Variants in PCDHA10 observed in about 807,000 individuals in gnomAD.
PCDHA10 encodes protocadherin alpha-10.
A neutral mutation model predicts 61.2 loss-of-function variants in PCDHA10; 45 were observed. That is an observed-to-expected ratio of 0.74 (90% confidence interval 0.58 to 0.94). The LOEUF is 0.94. Ranked by LOEUF, PCDHA10 falls within the 40% of genes least tolerant of loss-of-function variation. PCDHA10 has a pLI of 0.00. For missense variants in PCDHA10, 1,278 were observed against 1,236.2 expected (o/e 1.03, Z -0.51); for synonymous variants, 602 against 548.8 (o/e 1.10, Z -1.35).
At chr5:140,895,949 T>C (rs1413820088) in intron 1 of PCDHA10, among the ~76,000 whole-genome samples, 1 of 152,256 alleles carries the variant, frequency 6.6e-6, no homozygotes, top group East Asian at 1.9e-4. Context: ...TAGCTGGGAT[T>C]ACAGGTGCCT....
chr5:140,966,351 T>C (rs2095993357), intron 1 of PCDHA10: 1 of 397,668 alleles, frequency 2.5e-6, no homozygotes, highest in South Asian at 1.4e-4. Flanking sequence ...GTGAAGGAGA[T>C]GGGGCTGGAG....
Position 140,879,462 on chromosome 5 carries a change from G to A in PCDHA10, c.2388+21026G>A, listed in dbSNP as rs927340529. 2.0e-5 allele frequency among the ~76,000 whole-genome samples: 3 copies of A among 152,180 alleles called. No individual in the cohort carries two copies. The South Asian group carries it at 6.2e-4, about 32-fold the overall frequency. ...AAAATGTTACTTTGAAGTCCTAAGAGAATACCGTTGTGATTGGAAATATGG... is the reference window on the plus strand; with the variant it reads ...AAAATGTTACTTTGAAGTCCTAAGAAAATACCGTTGTGATTGGAAATATGG... On this transcript the variant is annotated intron_variant, in intron 1 of 3. Coordinates refer to ENST00000307360, the MANE Select transcript of PCDHA10 (RefSeq NM_018901.4).
At chr5:140,895,964 C>T (rs2065282764) in intron 1 of PCDHA10, among the ~76,000 whole-genome samples, 2 of 152,120 alleles carry the variant, frequency 1.3e-5, no homozygotes, top group South Asian at 4.1e-4. Flanking sequence ...GTGCCTGTCA[C>T]CAGGCCTAGC....
chr5:140,917,333 G>GT (rs1401985588), intron 1 of PCDHA10, among the ~76,000 whole-genome samples: 2 of 148,632 alleles, frequency 1.3e-5, no homozygotes, highest in Admixed American at 6.7e-5. Context: ...GCGGGGGAGG[G>GT]GGGGGATGGT....
rs1446596900 is a variant in PCDHA10 at position 140,900,305 on chromosome 5, C to T, written c.2388+41869C>T. On this transcript the variant is annotated intron_variant, in intron 1 of 3. Transcript: ENST00000307360. ...TTTCTTTTCTGTTTTTTTAGACAGTCTCACTTTTGTCGCCCAGGCTGGAGT... is the reference window on the plus strand; with the variant it reads ...TTTCTTTTCTGTTTTTTTAGACAGTTTCACTTTTGTCGCCCAGGCTGGAGT... Among the ~76,000 whole-genome samples the T allele has an allele frequency of 1.3e-4, 20 of 151,754 alleles. No homozygotes were observed. In the East Asian group the frequency reaches 3.9e-3, roughly 30 times the overall value.
intron 1 of PCDHA10, chr5:140,928,185 C>CA: frequency 1.2e-6 from 2 of 1,614,184 alleles, no homozygotes; most frequent in Non-Finnish European, 1.7e-6. Context: ...GAAGGACAAT[C>CA]ACTGTGTCAG....
intron 3 of PCDHA10, among the ~76,000 whole-genome samples, chr5:141,001,710 G>A (rs1422821009): frequency 6.6e-6 from 1 of 152,208 alleles, no homozygotes; most frequent in Non-Finnish European, 1.5e-5. Flanking sequence ...AGGGGGCGGG[G>A]AAGGAGCTTG....
rs139625618 is a variant in PCDHA10 at position 141,008,025 on chromosome 5, T to C, written c.2537-1602T>C. 1.8e-3 allele frequency among the ~76,000 whole-genome samples: 273 copies of C among 152,354 alleles called. 1 individual carries two copies. Among genetic ancestry groups the C allele is most frequent in the Middle Eastern group, 6.8e-3 (2 of 294 alleles). Reference sequence around the variant, plus strand: ...TAAACTTCTGTTTCCTTTTTTTTCTTGTTAATCTGCCTTTTGTAACAGGGG... The same window carrying C: ...TAAACTTCTGTTTCCTTTTTTTTCTCGTTAATCTGCCTTTTGTAACAGGGG... On this transcript the variant is annotated intron_variant, in intron 3 of 3. Transcript: ENST00000307360.
At chr5:140,965,703 G>T (rs1280783019) in intron 1 of PCDHA10, among the ~76,000 whole-genome samples, 1 of 152,178 alleles carries the variant, frequency 6.6e-6, no homozygotes, top group Non-Finnish European at 1.5e-5. Flanking sequence ...GAAAAAGCTT[G>T]AGAGAAGAAT....
At chr5:141,006,882 G>A (rs1442637421) in intron 3 of PCDHA10, among the ~76,000 whole-genome samples, 1 of 152,204 alleles carries the variant, frequency 6.6e-6, no homozygotes, top group Non-Finnish European at 1.5e-5. Flanking sequence ...GGAATCAAGA[G>A]TTTGATTTCA....
intron 1 of PCDHA10, chr5:140,858,649 AT>A: frequency 1.2e-6 from 1 of 824,582 alleles, no homozygotes; most frequent in East Asian, 2.7e-5. Flanking sequence ...TGGTACTTAA[AT>A]TTTTTTAAAT....
Position 140,880,816 on chromosome 5 carries a change from G to A in PCDHA10, c.2388+22380G>A, listed in dbSNP as rs3806840. On this transcript the variant is annotated intron_variant, in intron 1 of 3. Transcript: ENST00000307360. ...ATAAATAGGTGAATGACTCTAGAGTGTCTGGAAGGGCATATTTTAAATGGT... is the reference window on the plus strand; with the variant it reads ...ATAAATAGGTGAATGACTCTAGAGTATCTGGAAGGGCATATTTTAAATGGT... Among the ~76,000 whole-genome samples the A allele has an allele frequency of 9.8e-5, 15 of 152,318 alleles. No individual in the cohort carries two copies. In the East Asian group the frequency reaches 2.9e-3, roughly 29 times the overall value.
At chr5:140,967,254 C>G in intron 1 of PCDHA10, 3 of 1,613,562 alleles carry the variant, frequency 1.9e-6, no homozygotes, top group Non-Finnish European at 2.5e-6. Context: ...TCGGTGGCGC[C>G]TGGAGCGCGC....
In PCDHA10 at chr5:140,937,571, C is replaced by T. The variant is rs188926211; in HGVS notation, c.2389-41378C>T. 1.3e-4 allele frequency among the ~76,000 whole-genome samples: 20 copies of T among 151,578 alleles called. No homozygotes were observed. The East Asian group carries it at 2.7e-3, about 21-fold the overall frequency. On this transcript the variant is annotated intron_variant, in intron 1 of 3. Coordinates refer to ENST00000307360, the MANE Select transcript of PCDHA10 (RefSeq NM_018901.4). Reference sequence around the variant, plus strand: ...GGCAGAGGTTGCAGTGAGCTGGGATCGCGTCACTGCACTCTAGCCTGGGCA... The same window carrying T: ...GGCAGAGGTTGCAGTGAGCTGGGATTGCGTCACTGCACTCTAGCCTGGGCA...
intron 1 of PCDHA10, chr5:140,875,768 G>C (rs997656321): frequency 6.2e-7 from 1 of 1,614,144 alleles, no homozygotes; most frequent in African/African-American, 1.3e-5. Flanking sequence ...TGCGGGCGGA[G>C]CGCGGAGTGC....
intron 1 of PCDHA10, among the ~76,000 whole-genome samples, chr5:140,963,621 T>C (rs1428734637): frequency 2.6e-5 from 4 of 152,334 alleles, no homozygotes; most frequent in African/African-American, 9.6e-5. Flanking sequence ...AGCTTAACTT[T>C]GTTGCATACG....
intron 1 of PCDHA10, chr5:140,967,449 C>T (rs2096141880): frequency 1.2e-6 from 2 of 1,613,586 alleles, no homozygotes; most frequent in Non-Finnish European, 1.7e-6. Context: ...CTGGTTCTCA[C>T]AGCCGTGGAT....
intron 1 of PCDHA10, among the ~76,000 whole-genome samples, chr5:140,946,691 G>A (rs782114019): frequency 3.4e-5 from 5 of 147,578 alleles, no homozygotes; most frequent in African/African-American, 5.1e-5. Context: ...TGACAATATG[G>A]ATGAATCTGG....
chr5:140,917,378 A>G (rs532934226), intron 1 of PCDHA10, among the ~76,000 whole-genome samples: 4 of 150,894 alleles, frequency 2.7e-5, no homozygotes, highest in South Asian at 2.1e-4. Context: ...CTCCACCTCA[A>G]TAGTCTGATG....
Sources: gnomAD v4.1 joint callset for allele counts (sites outside exome capture counted in the v4.1 genomes callset) on GRCh38, gnomAD v4.1.1 for gene constraint, MANE v1.5 for transcripts, NCBI Gene and HGNC (gene_info 2026-07-23, HGNC 2026-07-21) for gene names.